The following SORBS2 variants were observed in gnomAD, a reference collection of about 807,000 sequenced individuals.
The protein encoded by SORBS2 is sorbin and SH3 domain containing 2.
SORBS2 carries 46 observed loss-of-function variants against 97.7 expected under a neutral mutation model. That is an observed-to-expected ratio of 0.47 (90% confidence interval 0.37 to 0.60). SORBS2 has a LOEUF of 0.60. SORBS2 is among the 20% of genes least tolerant of loss of function. The pLI is 0.00. For synonymous variants in SORBS2, 476 were observed against 473.4 expected (o/e 1.01, Z -0.07); for missense variants, 1,316 against 1,282.3 (o/e 1.03, Z -0.40).
chr4:185,662,773 C>T (rs2097540013), intron 4 of SORBS2, among the ~76,000 whole-genome samples: 1 of 152,162 alleles, frequency 6.6e-6, no homozygotes, highest in African/African-American at 2.4e-5. Context: ...CATGAAGCAA[C>T]CTATTCTAGA....
intron 1 of SORBS2, among the ~76,000 whole-genome samples, chr4:185,868,155 CTTTCT>C (rs1214295608): frequency 4.0e-5 from 4 of 100,720 alleles, no homozygotes; most frequent in Non-Finnish European, 5.6e-5. Context: ...TTCTTTTTTT[CTTTCT>C]TTTTTTTTTT....
intron 3 of SORBS2, among the ~76,000 whole-genome samples, chr4:185,648,078 G>T (rs1261816247): frequency 6.6e-6 from 1 of 151,936 alleles, no homozygotes; most frequent in African/African-American, 2.4e-5. Flanking sequence ...GTTTTGGTGG[G>T]ATGCTGTGCC....
At chr4:185,747,343 G>A (rs2098768522) in intron 2 of SORBS2, among the ~76,000 whole-genome samples, 2 of 152,336 alleles carry the variant, frequency 1.3e-5, no homozygotes, top group Middle Eastern at 3.4e-3. Flanking sequence ...AATACAACCT[G>A]CAGGCTTTAA....
intron 1 of SORBS2, among the ~76,000 whole-genome samples, chr4:185,826,692 C>G (rs1170032140): frequency 6.6e-6 from 1 of 152,128 alleles, no homozygotes; most frequent in Non-Finnish European, 1.5e-5. Context: ...TGAAATCACA[C>G]TAATTTATTC....
rs968814456 is a variant in SORBS2, at chr4:185,607,116, G to A, written c.2796+4664C>T. 3.8e-6 allele frequency: 4 copies of A among 1,059,660 alleles called. No homozygotes were observed. Among genetic ancestry groups the A allele is most frequent in the African/African-American group, 3.4e-5 (2 of 58,022 alleles). The allele number at this position is 1,059,660 out of a possible 1,614,324, so 65.6% of individuals were successfully genotyped here. ...GTTCCTCCTTAATTTCCAGGATGGC[G>A]TCCTCTAGGATGGTTGGTTTGGCTT... On this transcript the variant is annotated intron_variant, in intron 12 of 14. Transcript: ENST00000418609. This position sits in a 1 kb window ranked among gnomAD's most constrained non-coding sequence, Gnocchi z 5.2.
At chr4:185,825,212 GT>G (rs146561971) in intron 1 of SORBS2, among the ~76,000 whole-genome samples, 67 of 147,554 alleles carry the variant, frequency 4.5e-4, no homozygotes, top group South Asian at 6.4e-4. Flanking sequence ...TCTGTTTTTT[GT>G]TTTTTTTTTT....
At chr4:185,660,883 G>A (rs1263119724), upstream of SORBS2, among the ~76,000 whole-genome samples, 1 of 152,242 alleles carries the variant, frequency 6.6e-6, no homozygotes, top group Non-Finnish European at 1.5e-5. Flanking sequence ...CTAGTGAGTC[G>A]ACATCATGGA....
intron 2 of SORBS2, among the ~76,000 whole-genome samples, chr4:185,751,166 A>C (rs908965849): frequency 7.4e-5 from 10 of 134,908 alleles, no homozygotes; most frequent in African/African-American, 2.0e-4. Flanking sequence ...TCTTAGCTCT[A>C]AATACTAAAA....
chr4:185,827,384 T>C (rs765663922), intron 1 of SORBS2, among the ~76,000 whole-genome samples: 457 of 1,198 alleles, frequency 0.38, 213 homozygotes, highest in Non-Finnish European at 0.46. Context: ...ATCATCATCA[T>C]CATCATCATC....
intron 1 of SORBS2, chr4:185,918,522 G>C (rs993525724): frequency 6.6e-6 from 1 of 152,154 alleles, no homozygotes; most frequent in African/African-American, 2.4e-5. Context: ...TTCAAGTTGA[G>C]TTGGCCAATG....
At position 185,605,339 on chromosome 4, in the gene SORBS2, G is replaced by A. The variant is rs116286998; in HGVS notation, c.2796+6441C>T. 3.3e-5 allele frequency among the ~76,000 whole-genome samples: 5 copies of A among 152,232 alleles called. No individual in the cohort carries two copies. The East Asian group carries it at 9.6e-4, about 29-fold the overall frequency. On this transcript the variant is annotated intron_variant, in intron 12 of 14. Transcript: ENST00000418609. ...CTCTTTTTGCCCAGAACGGAGTGCA[G>A]TGGCACAACTTCAGTTCACTGCAAC...
At chr4:185,774,880 T>TC (rs2098992499) in intron 2 of SORBS2, 1 of 151,358 alleles carries the variant, frequency 6.6e-6, no homozygotes, top group Admixed American at 6.6e-5. Flanking sequence ...TTTTTTTTTT[T>TC]TAATGCCCCT....
At chr4:185,869,654 T>C (rs998736003) in intron 1 of SORBS2, among the ~76,000 whole-genome samples, 8 of 152,238 alleles carry the variant, frequency 5.3e-5, no homozygotes, top group Non-Finnish European at 1.0e-4. Flanking sequence ...CTTGTGCATG[T>C]TGTCATTTCT....
In SORBS2 at chr4:185,774,071, T is replaced by C. The variant is rs183966079; in HGVS notation, c.-198+1156A>G. The C allele has an allele frequency of 3.9e-5, 6 of 152,298 alleles. No individual in the cohort carries two copies. In the East Asian group the frequency reaches 1.2e-3, roughly 29 times the overall value. The allele number at this position is 152,298 out of a possible 1,614,324, so 9.4% of individuals were successfully genotyped here. On this transcript the variant is annotated intron_variant, in intron 2 of 20. Coordinates refer to the SORBS2 transcript ENST00000284776. ...ATGCTTTCCTTTGATATGTGCTCTG[T>C]GATACCAATAAACTTTTCTGAAAAA...
intron 2 of SORBS2, among the ~76,000 whole-genome samples, chr4:185,722,908 T>C (rs1174812366): frequency 1.3e-5 from 2 of 152,146 alleles, no homozygotes; most frequent in Admixed American, 6.5e-5. Context: ...GCTGTATTCA[T>C]GTCATCACAG....
In SORBS2 at chr4:185,950,049, C is replaced by T. The variant is rs367864372; in HGVS notation, c.-338+6147G>A. The stretch of plus-strand genomic sequence containing the variant: ...CGGGCGGATCATGAGGTCAGGAGTT[C>T]GAAACCAGCCTGGCCACCATGGTGA... On this transcript the variant is annotated intron_variant, in intron 1 of 20. Coordinates refer to the SORBS2 transcript ENST00000284776. Among the ~76,000 whole-genome samples, 83 of 152,220 alleles carry T rather than the reference C, an allele frequency of 5.5e-4. No homozygotes were observed. The South Asian group carries it at 0.016, about 30-fold the overall frequency.
At chr4:185,722,646 G>A (rs551776052) in intron 2 of SORBS2, among the ~76,000 whole-genome samples, 2 of 152,160 alleles carry the variant, frequency 1.3e-5, no homozygotes, top group African/African-American at 4.8e-5. Flanking sequence ...TGTTGAAAGA[G>A]TCTTGTTTGA....
At chr4:185,587,755 T>G in intron 14 of SORBS2, 67 bp from the exon 27 acceptor site, 1 of 1,255,104 alleles carries the variant, frequency 8.0e-7, no homozygotes, top group South Asian at 1.2e-5. Context: ...TGGGCTTGAA[T>G]ACTTCCCATT....
At chr4:185,809,440 G>A (rs954695668) in intron 1 of SORBS2, among the ~76,000 whole-genome samples, 1 of 110,876 alleles carries the variant, frequency 9.0e-6, no homozygotes, top group Non-Finnish European at 1.7e-5. Flanking sequence ...GACTCTTCAG[G>A]GGGCACTGCA....
Sources: gnomAD v4.1 joint callset for allele counts (sites outside exome capture counted in the v4.1 genomes callset) on GRCh38, gnomAD v4.1.1 for gene constraint, Gnocchi (gnomAD v3.1) non-coding constraint, MANE v1.5 for transcripts, NCBI Gene and HGNC (gene_info 2026-07-23, HGNC 2026-07-21) for gene names.